The following LRBA variants were observed in gnomAD, a reference collection of about 807,000 sequenced individuals.
The protein encoded by LRBA is lipopolysaccharide-responsive and beige-like anchor protein.
LRBA carries 176 observed loss-of-function variants against 330.0 expected under a neutral mutation model. The observed-to-expected ratio is 0.53, with a 90% CI of 0.47 to 0.60. LRBA has a LOEUF of 0.60. Ranked by LOEUF, LRBA falls within the 20% of genes least tolerant of loss-of-function variation. LRBA has a pLI of 0.00. For missense variants in LRBA, 3,259 were observed against 3,444.8 expected (o/e 0.95, Z 1.35); for synonymous variants, 1,230 against 1,193.0 (o/e 1.03, Z -0.64).
intron 22 of LRBA, among the ~76,000 whole-genome samples, chr4:150,858,231 C>A (rs895733459): frequency 6.6e-5 from 10 of 152,094 alleles, no homozygotes; most frequent in African/African-American, 1.7e-4. Flanking sequence ...AAGGTACATG[C>A]CTGCAGTCCC....
At chr4:150,600,599 T>C (rs1232437814) in intron 37 of LRBA, among the ~76,000 whole-genome samples, 1 of 152,064 alleles carries the variant, frequency 6.6e-6, no homozygotes, top group Non-Finnish European at 1.5e-5. Context: ...GAAGGAGATA[T>C]AATGTAATCA....
intron 2 of LRBA, among the ~76,000 whole-genome samples, chr4:150,987,808 C>G (rs1741629440): frequency 6.6e-6 from 1 of 151,856 alleles, no homozygotes; most frequent in East Asian, 1.9e-4. Flanking sequence ...TCGAGACCAG[C>G]CTGGCCAACA....
intron 47 of LRBA, among the ~76,000 whole-genome samples, chr4:150,379,065 G>A (rs1415340334): frequency 2.0e-5 from 3 of 151,880 alleles, no homozygotes; most frequent in African/African-American, 7.3e-5. Flanking sequence ...CACTTTGGGA[G>A]GCCAAGGCAG....
intron 37 of LRBA, among the ~76,000 whole-genome samples, chr4:150,669,195 TATTA>T (rs901263720): frequency 3.9e-5 from 6 of 152,196 alleles, no homozygotes; most frequent in East Asian, 1.9e-4. Context: ...TAATAATAGC[TATTA>T]ATTTTTAAAA....
At chr4:150,767,139 C>T (rs1352297239) in intron 34 of LRBA, among the ~76,000 whole-genome samples, 1 of 151,988 alleles carries the variant, frequency 6.6e-6, no homozygotes, top group Non-Finnish European at 1.5e-5. Context: ...TCCTGCCTAT[C>T]CTCAACAAAT....
chr4:150,651,812 C>A (rs552495731), intron 37 of LRBA, among the ~76,000 whole-genome samples: 9 of 152,094 alleles, frequency 5.9e-5, no homozygotes, highest in Non-Finnish European at 7.4e-5. Flanking sequence ...TGAAACAGTG[C>A]CCACAGATGG....
chr4:150,843,126 C>A (rs1351692053), intron 28 of LRBA, among the ~76,000 whole-genome samples: 2 of 152,076 alleles, frequency 1.3e-5, no homozygotes, highest in African/African-American at 4.8e-5. Flanking sequence ...TGCTGTGCAG[C>A]CTAAGTGCAG....
At position 150,369,593 on chromosome 4, in the gene LRBA, T is replaced by C. The variant is rs577187783; in HGVS notation, c.7195-19434A>G. Among the ~76,000 whole-genome samples the C allele has an allele frequency of 2.1e-4, 32 of 152,168 alleles. No homozygotes were observed. In the South Asian group the frequency reaches 6.6e-3, roughly 32 times the overall value. On this transcript the variant is annotated intron_variant, in intron 47 of 56. Transcript: ENST00000651943. The stretch of plus-strand genomic sequence containing the variant: ...CTTTGTTTCAGGTACTGCTAAGAAA[T>C]ATAAGAGCTGCAAAATAATTATAAC...
intron 11 of LRBA, 109 bp downstream of exon 11, chr4:150,908,225 G>T: frequency 9.2e-7 from 1 of 1,088,108 alleles, no homozygotes; most frequent in Non-Finnish European, 1.3e-6. Context: ...TAGTTCACAA[G>T]TTTAAATTAT....
intron 47 of LRBA, among the ~76,000 whole-genome samples, chr4:150,352,626 T>C (rs930876845): frequency 1.7e-4 from 26 of 152,194 alleles, no homozygotes; most frequent in African/African-American, 6.0e-4. Flanking sequence ...AGAGAGGAGC[T>C]TGTGATAACT....
At position 150,847,015 on chromosome 4, in the gene LRBA, C is replaced by T. The variant is rs573763789; in HGVS notation, c.4339+1803G>A. On this transcript the variant is annotated intron_variant, in intron 26 of 56. Coordinates refer to ENST00000651943, the MANE Select transcript of LRBA (RefSeq NM_001364905.1). ...TCTTTCTAGGAAAGTGAAAAGCCTT[C>T]GAAAATGGCACACATAAAGCAATAA... Among the ~76,000 whole-genome samples, 6 of 152,020 alleles carry T rather than the reference C, an allele frequency of 3.9e-5. No homozygotes were observed. The South Asian group carries it at 6.2e-4, about 16-fold the overall frequency.
At chr4:150,428,165 A>G (rs1749892864) in intron 46 of LRBA, among the ~76,000 whole-genome samples, 1 of 152,098 alleles carries the variant, frequency 6.6e-6, no homozygotes, top group African/African-American at 2.4e-5. Flanking sequence ...TTTTAAAATA[A>G]TATTTAGTAT....
chr4:150,831,200 C>CT (rs77038090), intron 29 of LRBA, among the ~76,000 whole-genome samples: 10,172 of 138,336 alleles, frequency 0.074, 1,080 homozygotes, highest in African/African-American at 0.24. Context: ...TTATTACTTT[C>CT]TTTTTTTTTT....
intron 47 of LRBA, among the ~76,000 whole-genome samples, chr4:150,371,325 T>G (rs1740284704): frequency 6.6e-6 from 1 of 151,070 alleles, no homozygotes; most frequent in South Asian, 2.1e-4. Flanking sequence ...CCTGAGTAGC[T>G]GGGATTACAG....
At chr4:150,914,161 A>G in intron 9 of LRBA, 34 bp downstream of exon 9, 1 of 1,560,836 alleles carries the variant, frequency 6.4e-7, no homozygotes, top group Non-Finnish European at 8.7e-7. Context: ...AGCTGAACTA[A>G]CATTGGTTAA....
intron 36 of LRBA, among the ~76,000 whole-genome samples, chr4:150,733,992 C>A (rs778935286): frequency 1.3e-5 from 2 of 152,098 alleles, no homozygotes; most frequent in African/African-American, 4.8e-5. Context: ...TTAGCTGTAT[C>A]TTGCACTTGC....
chr4:150,426,909 ACAT>A (rs1258244294), intron 46 of LRBA, among the ~76,000 whole-genome samples: 2 of 151,860 alleles, frequency 1.3e-5, no homozygotes, highest in Non-Finnish European at 2.9e-5. Flanking sequence ...TGCTTTCAAC[ACAT>A]TTTTCACTTC....
At chr4:150,807,798 A>G (rs1292167952) in intron 32 of LRBA, among the ~76,000 whole-genome samples, 1 of 151,986 alleles carries the variant, frequency 6.6e-6, no homozygotes, top group Non-Finnish European at 1.5e-5. Context: ...GGTGTGCACC[A>G]CCACACCTAG....
intron 47 of LRBA, among the ~76,000 whole-genome samples, chr4:150,353,423 A>T (rs552915864): frequency 6.6e-6 from 1 of 152,298 alleles, no homozygotes; most frequent in South Asian, 2.1e-4. Flanking sequence ...TGAGACCATA[A>T]AATTCTAGAA....
Sources: gnomAD v4.1 joint callset for allele counts (sites outside exome capture counted in the v4.1 genomes callset) on GRCh38, gnomAD v4.1.1 for gene constraint, MANE v1.5 for transcripts, NCBI Gene and HGNC (gene_info 2026-07-23, HGNC 2026-07-21) for gene names.